The following ANK2 variants were observed in gnomAD, a reference collection of about 807,000 sequenced individuals.
The protein encoded by ANK2 is ankyrin-2.
In ANK2, 83 loss-of-function variants were observed where a neutral mutation model predicts 360.5. The observed-to-expected ratio is 0.23, with a 90% CI of 0.19 to 0.28. The LOEUF (loss-of-function observed/expected upper bound fraction) is 0.28. Among genes scored for constraint, ANK2 ranks in the 10% least tolerant of loss-of-function variants. The pLI is 1.00. For missense variants in ANK2, 4,201 were observed against 4,795.7 expected (o/e 0.88, Z 3.66); for synonymous variants, 1,740 against 1,759.5 (o/e 0.99, Z 0.28).
At chr4:112,874,756 A>G (rs571166773) in intron 1 of ANK2, among the ~76,000 whole-genome samples, 2 of 152,184 alleles carry the variant, frequency 1.3e-5, no homozygotes, top group South Asian at 4.1e-4. Flanking sequence ...CAACTCAGAA[A>G]TGTTTGCTTG....
intron 1 of ANK2, among the ~76,000 whole-genome samples, chr4:113,152,067 AAAAAAAAAAAAG>A (rs563647378): frequency 0.16 from 8,786 of 54,424 alleles, 609 homozygotes; most frequent in African/African-American, 0.3. Flanking sequence ...CTCTGTCTCA[AAAAAAAAAAAAG>A]AAAAAAAAAA....
At chr4:113,014,601 G>A (rs958880051) in intron 2 of ANK2, among the ~76,000 whole-genome samples, 1 of 152,074 alleles carries the variant, frequency 6.6e-6, no homozygotes, top group Non-Finnish European at 1.5e-5. Flanking sequence ...ATGTATTCAC[G>A]GCCTATGATT....
At chr4:112,826,680 A>G in intron 1 of ANK2, 1 of 921,894 alleles carries the variant, frequency 1.1e-6, no homozygotes, top group Non-Finnish European at 1.7e-6. Flanking sequence ...AGCATTGACC[A>G]TTCAGAAATC....
At chr4:113,259,220 C>G (rs2153637604) in intron 13 of ANK2, among the ~76,000 whole-genome samples, 1 of 152,210 alleles carries the variant, frequency 6.6e-6, no homozygotes, top group African/African-American at 2.4e-5. Flanking sequence ...AAGAGAACTT[C>G]TTTGCACAAG....
intron 1 of ANK2, among the ~76,000 whole-genome samples, chr4:113,086,484 G>C (rs1189578544): frequency 6.6e-6 from 1 of 152,136 alleles, no homozygotes. Flanking sequence ...CAACTCTCTG[G>C]CAGGCCCTGT....
At chr4:112,713,886 A>T in the ANK2 span, among the ~76,000 whole-genome samples, 2 of 149,940 alleles carry the variant, frequency 1.3e-5, no homozygotes, top group Non-Finnish European at 3.0e-5. Context: ...GTGAGCCAAG[A>T]TCTCGCCACT....
chr4:113,243,485 C>G (rs1007453453), intron 9 of ANK2, among the ~76,000 whole-genome samples: 1 of 152,184 alleles, frequency 6.6e-6, no homozygotes, highest in Non-Finnish European at 1.5e-5. Context: ...TCTCACTTCT[C>G]TAAAACTTTT....
At chr4:112,822,248 A>C (rs1346900384) in intron 1 of ANK2, among the ~76,000 whole-genome samples, 3 of 149,204 alleles carry the variant, frequency 2.0e-5, no homozygotes, top group Non-Finnish European at 3.0e-5. Flanking sequence ...TAAAAAAAAA[A>C]AAAAAAAAAA....
chr4:113,253,072 CTCCATATCTA>C (rs1361221736), intron 10 of ANK2, among the ~76,000 whole-genome samples: 2 of 152,206 alleles, frequency 1.3e-5, no homozygotes, highest in Non-Finnish European at 2.9e-5. Context: ...AGACTCCCAC[CTCCATATCTA>C]TCCATATCTA....
Position 113,348,324 on chromosome 4 carries a change from T to C in ANK2, c.4404+16T>C, listed in dbSNP as rs2272233. On this transcript the variant is annotated intron_variant, in intron 36 of 45. Transcript: ENST00000357077. ...GGAGGAAGAGGTAATTTTATGACAG[T>C]GTCACTTGTTATCGGCTGTGTCATT... The C allele has an allele frequency of 2.5e-3, 4,022 of 1,612,264 alleles. 70 individuals carry two copies. The highest frequency in any genetic ancestry group is 0.013 in the East Asian group (585 of 44,834).
At chr4:113,149,691 A>G (rs1029291660) in intron 1 of ANK2, among the ~76,000 whole-genome samples, 5 of 151,754 alleles carry the variant, frequency 3.3e-5, no homozygotes, top group African/African-American at 1.2e-4. Flanking sequence ...TCTGGGCATC[A>G]TGGCAGGACC....
intron 24 of ANK2, among the ~76,000 whole-genome samples, chr4:113,316,105 T>C (rs531982006): frequency 6.6e-6 from 1 of 152,210 alleles, no homozygotes; most frequent in African/African-American, 2.4e-5. Context: ...ATCTGTAATA[T>C]AAGTAGCCTC....
chr4:112,932,573 C>CTT (rs551444301), intron 2 of ANK2, among the ~76,000 whole-genome samples: 1 of 143,974 alleles, frequency 6.9e-6, no homozygotes, highest in Admixed American at 6.9e-5. Flanking sequence ...GCAGCTGTGA[C>CTT]TTTTTTTTTT....
the ANK2 span, among the ~76,000 whole-genome samples, chr4:112,761,648 T>C: frequency 2.0e-5 from 3 of 151,864 alleles, no homozygotes; most frequent in Non-Finnish European, 4.4e-5. Context: ...AAAAATAAAA[T>C]AAAAATAAAG....
chr4:113,150,482 T>C (rs1441829436), intron 1 of ANK2, among the ~76,000 whole-genome samples: 1 of 152,148 alleles, frequency 6.6e-6, no homozygotes. Flanking sequence ...TGGGTTCCTG[T>C]TGGGAAGAAA....
chr4:113,326,287 G>A (rs2089853695), intron 26 of ANK2, among the ~76,000 whole-genome samples: 1 of 152,050 alleles, frequency 6.6e-6, no homozygotes, highest in Non-Finnish European at 1.5e-5. Context: ...ATTATCAACT[G>A]TTGGGATTCA....
chr4:113,049,531 A>G (rs1224176975), upstream of ANK2: 2 of 1,067,044 alleles, frequency 1.9e-6, no homozygotes, highest in Admixed American at 2.9e-5. Flanking sequence ...TGGTTGAATC[A>G]GATTTAACAA....
intron 1 of ANK2, among the ~76,000 whole-genome samples, chr4:113,088,482 C>T (rs536809770): frequency 6.6e-6 from 1 of 152,256 alleles, no homozygotes; most frequent in East Asian, 1.9e-4. Flanking sequence ...TTCCAGAGCA[C>T]TCCATTACCA....
intron 23 of ANK2, among the ~76,000 whole-genome samples, chr4:113,307,729 G>A (rs2077946843): frequency 6.6e-6 from 1 of 152,138 alleles, no homozygotes; most frequent in South Asian, 2.1e-4. Flanking sequence ...TTATTCCCAT[G>A]CTATTGTCAC....
Sources: gnomAD v4.1 joint callset for allele counts (sites outside exome capture counted in the v4.1 genomes callset) on GRCh38, gnomAD v4.1.1 for gene constraint, MANE v1.5 for transcripts, NCBI Gene and HGNC (gene_info 2026-07-23, HGNC 2026-07-21) for gene names.